COL4A5: variants seen among roughly 807,000 people sequenced by gnomAD.
COL4A5 encodes the protein collagen type IV alpha 5 chain, also known as collagen alpha-5(IV) chain.
Under a neutral mutation model 130.2 loss-of-function variants are expected in COL4A5, and 26 were observed. That is an observed-to-expected ratio of 0.20 (90% CI 0.15 to 0.28). The LOEUF (loss-of-function observed/expected upper bound fraction) is 0.28, where lower values mean the gene tolerates loss of function less well. Ranked by LOEUF, COL4A5 falls within the 10% of genes least tolerant of loss-of-function variation. The pLI is 1.00. For missense variants in COL4A5, 1,131 were observed against 1,344.3 expected, an observed-to-expected ratio of 0.84 and a Z score of 2.48; for synonymous variants, 496 against 439.6, an observed-to-expected ratio of 1.13 and a Z score of -1.60.
At chrX:108,502,368 C>T (rs918692700) in intron 1 of COL4A5, among the ~76,000 whole-genome samples, 7 of 111,398 alleles carry the variant, frequency 6.3e-5, no homozygotes, top group African/African-American at 9.8e-5. Context: ...TCACTGCAAC[C>T]TCTGCCTCCC....
intron 1 of COL4A5, among the ~76,000 whole-genome samples, chrX:108,471,965 G>A (rs1001092433): frequency 1.8e-5 from 2 of 111,034 alleles, no homozygotes; most frequent in African/African-American, 6.5e-5. Flanking sequence ...TTTAATGTAA[G>A]CATCGACTAC....
At chrX:108,513,535 T>A (rs187018798) in intron 1 of COL4A5, among the ~76,000 whole-genome samples, 1 of 111,847 alleles carries the variant, frequency 8.9e-6, no homozygotes, top group East Asian at 2.8e-4. Flanking sequence ...GTGTATTTTC[T>A]TTTGTGAGGA....
intron 41 of COL4A5, 107 bp downstream of exon 41, chrX:108,668,611 G>A (rs746147446): frequency 6.8e-6 from 4 of 590,830 alleles, no homozygotes; most frequent in South Asian, 6.7e-5. Context: ...CGGTGCATTG[G>A]AGGATGTTAA....
chrX:108,556,822 G>A lies in COL4A5; in HGVS notation c.142-2242G>A, dbSNP rs772684586. Among the ~76,000 whole-genome samples, 4 of 111,055 alleles carry A rather than the reference G, an allele frequency of 3.6e-5. No homozygotes were observed. The Middle Eastern group carries it at 0.014, about 387-fold the overall frequency. On this transcript the variant is annotated intron_variant, in intron 2 of 52. Coordinates refer to ENST00000328300, the MANE Select transcript of COL4A5 (RefSeq NM_033380.3). ...CTTAGTAACCTTAGTACCTTTCAAA[G>A]GCTGTGGTATTGATCTTTGAATTCC...
At chrX:108,489,836 T>C (rs1372033179) in intron 1 of COL4A5, among the ~76,000 whole-genome samples, 2 of 111,986 alleles carry the variant, frequency 1.8e-5, no homozygotes, top group African/African-American at 6.5e-5. Context: ...CCAATTTATA[T>C]AGGCCATTTG....
chrX:108,568,398 G>A (rs2066007797), intron 4 of COL4A5, among the ~76,000 whole-genome samples: 1 of 111,693 alleles, frequency 9.0e-6, no homozygotes, highest in Admixed American at 9.5e-5. Context: ...GTGCAATGAA[G>A]ACAATGCTCC....
chrX:108,562,757 T>C (rs1006618675), intron 3 of COL4A5, among the ~76,000 whole-genome samples: 2 of 111,706 alleles, frequency 1.8e-5, no homozygotes, highest in South Asian at 3.7e-4. Flanking sequence ...TCAAAAAACT[T>C]GTAGGAGTAT....
chrX:108,617,674 T>A (rs1239764022), intron 30 of COL4A5, among the ~76,000 whole-genome samples: 2 of 112,133 alleles, frequency 1.8e-5, no homozygotes, highest in Non-Finnish European at 3.8e-5. Context: ...TTATTTTCTT[T>A]GGCCATTACC....
intron 1 of COL4A5, among the ~76,000 whole-genome samples, chrX:108,469,169 C>CTTTTTT (rs529015725): frequency 4.5e-4 from 35 of 77,647 alleles, no homozygotes; most frequent in South Asian, 7.0e-4. Context: ...CTCTCTCTCT[C>CTTTTTT]TTTTTTTTTT....
chrX:108,667,319 C>T (rs1211288792), intron 40 of COL4A5, 136 bp downstream of exon 40: 2 of 534,394 alleles, frequency 3.7e-6, no homozygotes, highest in Non-Finnish European at 6.2e-6. Context: ...CTAGTGTTAA[C>T]GTTAAAACAT....
Position 108,656,801 on chromosome X carries a change from G to A in COL4A5, c.3373+1344G>A, listed in dbSNP as rs769930251. On this transcript the variant is annotated intron_variant, in intron 37 of 52. Transcript: ENST00000328300. Reference sequence around the variant, plus strand: ...TATTATACTATTGGCCATTTGGATAGCATCTTTTTGAAGTTTCTTCTTAAG... The same window carrying A: ...TATTATACTATTGGCCATTTGGATAACATCTTTTTGAAGTTTCTTCTTAAG... Among the ~76,000 whole-genome samples, 6 of 111,581 alleles carry A rather than the reference G, an allele frequency of 5.4e-5. No individual in the cohort carries two copies. In the South Asian group the frequency reaches 1.9e-3, roughly 35 times the overall value.
chrX:108,530,858 G>A (rs1410490988), intron 1 of COL4A5, among the ~76,000 whole-genome samples: 1 of 108,443 alleles, frequency 9.2e-6, no homozygotes, highest in Non-Finnish European at 1.9e-5. Context: ...CCCATTACTA[G>A]GTATATACCC....
chrX:108,604,439 C>A (rs768479735), intron 28 of COL4A5, among the ~76,000 whole-genome samples: 97 of 111,913 alleles, frequency 8.7e-4, no homozygotes, highest in African/African-American at 3.0e-3. Context: ...GGAATCTTTT[C>A]TTCTGAGGAG....
intron 32 of COL4A5, among the ~76,000 whole-genome samples, chrX:108,622,239 C>T (rs2067068996): frequency 4.5e-5 from 5 of 112,074 alleles, no homozygotes; most frequent in Admixed American, 3.8e-4. Context: ...CACTATTCTC[C>T]TGCCTCAGCC....
chrX:108,473,468 A>T (rs1055961807), intron 1 of COL4A5, among the ~76,000 whole-genome samples: 1 of 106,363 alleles, frequency 9.4e-6, no homozygotes, highest in Admixed American at 1.0e-4. Context: ...GATGATTCTG[A>T]CCCTGTGTAC....
chrX:108,569,273 A>G (rs762851003), intron 6 of COL4A5, among the ~76,000 whole-genome samples: 13 of 112,538 alleles, frequency 1.2e-4, no homozygotes, highest in Non-Finnish European at 1.9e-4. Flanking sequence ...TTAAAAAATT[A>G]TATGTAATAC....
At chrX:108,641,752 A>G (rs1403293997) in intron 36 of COL4A5, among the ~76,000 whole-genome samples, 1 of 111,993 alleles carries the variant, frequency 8.9e-6, no homozygotes, top group Non-Finnish European at 1.9e-5. Context: ...TTGCTGGGTC[A>G]CCAAGCAGGC....
rs183076334 is a variant in COL4A5 at position 108,458,997 on chromosome X, C to G, written c.81+18791C>G. Among the ~76,000 whole-genome samples the G allele has an allele frequency of 6.0e-3, 660 of 109,778 alleles. 2 individuals carry two copies. Among genetic ancestry groups the G allele is most frequent in the East Asian group, 0.036 (127 of 3,481 alleles). On this transcript the variant is annotated intron_variant, in intron 1 of 52. Coordinates refer to ENST00000328300, the MANE Select transcript of COL4A5 (RefSeq NM_033380.3). ...CGTCTCAAAAAAAAAAAAAAATCAT[C>G]TTTAATTTCTCTCAGCAATGTTTTC... is the stretch of plus-strand genomic sequence containing the variant.
At chrX:108,518,908 G>T (rs1385330199) in intron 1 of COL4A5, among the ~76,000 whole-genome samples, 1 of 111,336 alleles carries the variant, frequency 9.0e-6, no homozygotes, top group Non-Finnish European at 1.9e-5. Context: ...AGGAAATCTG[G>T]CAAAATATCT....
Sources: gnomAD v4.1 joint callset for allele counts (sites outside exome capture counted in the v4.1 genomes callset) on GRCh38, gnomAD v4.1.1 for gene constraint, MANE v1.5 for transcripts, NCBI Gene and HGNC (gene_info 2026-07-23, HGNC 2026-07-21) for gene names.